The following VPS53 variants were observed in gnomAD, a reference collection of about 807,000 sequenced individuals.
VPS53 encodes the protein VPS53 subunit of GARP complex, also known as vacuolar protein sorting-associated protein 53 homolog.
A neutral mutation model predicts 107.0 loss-of-function variants in VPS53; 70 were observed. That is an observed-to-expected ratio of 0.65 (90% CI 0.54 to 0.80). VPS53 has a LOEUF of 0.80. VPS53 is among the 30% of genes least tolerant of loss of function. The pLI, the probability that VPS53 is intolerant of heterozygous loss-of-function variation, is 0.00. For missense variants in VPS53, 917 were observed against 1,049.4 expected (o/e 0.87, Z 1.74); for synonymous variants, 409 against 393.3 (o/e 1.04, Z -0.47).
intron 7 of VPS53, among the ~76,000 whole-genome samples, chr17:635,876 G>C (rs1397150139): frequency 2.0e-5 from 3 of 152,174 alleles, no homozygotes; most frequent in Non-Finnish European, 4.4e-5. Flanking sequence ...TCTTGGCAAT[G>C]CGGGACCTTT....
chr17:639,529 T>C (rs959868452), intron 7 of VPS53, among the ~76,000 whole-genome samples: 8 of 152,214 alleles, frequency 5.3e-5, no homozygotes, highest in African/African-American at 1.7e-4. Flanking sequence ...TGCTGTTTTT[T>C]CCCCATCTTT....
chr17:697,700 T>C lies in VPS53; in HGVS notation c.219-216A>G, dbSNP rs76783890. Among the ~76,000 whole-genome samples, 778 of 152,308 alleles carry C rather than the reference T, an allele frequency of 5.1e-3. 9 individuals carry two copies. The highest frequency in any genetic ancestry group is 0.017 in the African/African-American group (718 of 41,590). On this transcript the variant is annotated intron_variant, in intron 3 of 21. Transcript: ENST00000437048. The stretch of plus-strand genomic sequence containing the variant: ...TGCAGGCTGATGCATCGCCTTGTTG[T>C]TAAAAATGCCTATTTTCACTTAATA...
At chr17:710,401 T>TG in intron 2 of VPS53, 132 bp downstream of exon 2, 1 of 676,848 alleles carries the variant, frequency 1.5e-6, no homozygotes. Context: ...CTGGTGATGA[T>TG]GGAGTTTGAT....
At chr17:669,361 C>T (rs979357674) in intron 4 of VPS53, among the ~76,000 whole-genome samples, 1 of 151,892 alleles carries the variant, frequency 6.6e-6, no homozygotes, top group Non-Finnish European at 1.5e-5. Context: ...GCAAGGCTGA[C>T]GGTGGATTAC....
intron 5 of VPS53, among the ~76,000 whole-genome samples, chr17:661,224 GA>G (rs200423950): frequency 0.016 from 2,361 of 148,360 alleles, 24 homozygotes; most frequent in Middle Eastern, 0.031. Context: ...TCAGAAAGGA[GA>G]AAAAAAAAAG....
Position 551,499 on chromosome 17 carries a change from C to G in VPS53, c.1866+373G>C, listed in dbSNP as rs999566538. ...AGGAGGACTGATGAGCCCAGAGGGT[C>G]AAGGCTGCAGGGAGTCATGGTGGCA... On this transcript the variant is annotated intron_variant, in intron 17 of 21. Transcript: ENST00000437048. 3.3e-5 allele frequency: 5 copies of G among 153,606 alleles called. No individual in the cohort carries two copies. In the South Asian group the frequency reaches 7.9e-4, roughly 24 times the overall value. 9.5% of individuals were successfully genotyped at this position (153,606 alleles called of 1,614,324 possible).
At position 690,973 on chromosome 17, in the gene VPS53, G is replaced by A. The variant is rs761940087; in HGVS notation, c.285+6445C>T. On this transcript the variant is annotated intron_variant, in intron 4 of 21. Coordinates refer to ENST00000437048, the MANE Select transcript of VPS53 (RefSeq NM_001128159.3). ...GACACTCTGGACCCCCAGTCCCTAA[G>A]TTAATGAGCTCGGCCCAGAACAAAG... 6.6e-5 allele frequency among the ~76,000 whole-genome samples: 10 copies of A among 152,176 alleles called. No individual in the cohort carries two copies. In the East Asian group the frequency reaches 1.5e-3, roughly 23 times the overall value.
At chr17:647,640 G>C (rs935531117) in intron 7 of VPS53, among the ~76,000 whole-genome samples, 5 of 152,114 alleles carry the variant, frequency 3.3e-5, no homozygotes, top group African/African-American at 1.2e-4. Flanking sequence ...AGTCCAGTCT[G>C]ATAAGGTGAT....
At chr17:535,946 C>G (rs1343982154) in intron 18 of VPS53, among the ~76,000 whole-genome samples, 3 of 152,118 alleles carry the variant, frequency 2.0e-5, no homozygotes, top group Admixed American at 2.0e-4. Context: ...CAGCTGGGGC[C>G]TGGATGGGAA....
chr17:533,121 GGA>G (rs1555547821), intron 18 of VPS53: 1 of 765,258 alleles, frequency 1.3e-6, no homozygotes, highest in Non-Finnish European at 2.0e-6. Context: ...CGGGAAAACC[GGA>G]TCCCATCCTA....
At chr17:546,720 A>G (rs1163069492) in intron 17 of VPS53, among the ~76,000 whole-genome samples, 5 of 152,170 alleles carry the variant, frequency 3.3e-5, no homozygotes, top group Non-Finnish European at 7.3e-5. Flanking sequence ...AGTGTGGGAG[A>G]AGATGTGGAG....
chr17:629,850 GTCACTA>G (rs1969878147), intron 8 of VPS53, among the ~76,000 whole-genome samples: 1 of 142,802 alleles, frequency 7.0e-6, no homozygotes, highest in African/African-American at 2.6e-5. Flanking sequence ...CACACACGAA[GTCACTA>G]TGCCAGAGAA....
chr17:583,083 C>T (rs1221043848), intron 13 of VPS53, among the ~76,000 whole-genome samples: 2 of 150,320 alleles, frequency 1.3e-5, no homozygotes, highest in Non-Finnish European at 3.0e-5. Context: ...GAACTTCCCT[C>T]ACAACCTAAT....
At chr17:645,755 G>A (rs972955783) in intron 7 of VPS53, among the ~76,000 whole-genome samples, 1 of 150,726 alleles carries the variant, frequency 6.6e-6, no homozygotes, top group Non-Finnish European at 1.5e-5. Flanking sequence ...CCTTTATACC[G>A]ACTGGAGATA....
chr17:567,886 C>T lies in VPS53; in HGVS notation c.1314-5141G>A, dbSNP rs1913678269. ...CCTGGACAACAGAGCAAGACATTGT[C>T]GAAGGGGAGGGGAGGGGAGGGGAGG... On this transcript the variant is annotated intron_variant, in intron 13 of 21. Coordinates refer to ENST00000437048, the MANE Select transcript of VPS53 (RefSeq NM_001128159.3). 3.1e-5 allele frequency among the ~76,000 whole-genome samples: 4 copies of T among 128,414 alleles called. No homozygotes were observed. The South Asian group carries it at 7.9e-4, about 25-fold the overall frequency. The allele number at this position is 128,414 out of a possible 152,430, so 84.2% of individuals were successfully genotyped here.
At position 667,659 on chromosome 17, in the gene VPS53, G is replaced by C. The variant is rs905645819; in HGVS notation, c.286-5764C>G. Reference sequence around the variant, plus strand: ...ACTGTTTTAAACATAATGTTCTGGGGGGGGGGGCAATGGGTTAATTACAGA... The same window carrying C: ...ACTGTTTTAAACATAATGTTCTGGGCGGGGGGGCAATGGGTTAATTACAGA... On this transcript the variant is annotated intron_variant, in intron 4 of 21. Coordinates refer to ENST00000437048, the MANE Select transcript of VPS53 (RefSeq NM_001128159.3). 1.6e-3 allele frequency among the ~76,000 whole-genome samples: 196 copies of C among 125,832 alleles called. 3 individuals carry two copies. Among genetic ancestry groups the C allele is most frequent in the African/African-American group, 5.5e-3 (181 of 33,096 alleles). 82.6% of individuals were successfully genotyped at this position (125,832 alleles called of 152,430 possible).
intron 7 of VPS53, among the ~76,000 whole-genome samples, chr17:635,063 T>C (rs1347704621): frequency 1.3e-5 from 2 of 152,230 alleles, no homozygotes; most frequent in African/African-American, 4.8e-5. Flanking sequence ...ATCTGTTGTT[T>C]CCTGACTTTT....
At chr17:671,784 G>A (rs1971958613) in intron 4 of VPS53, among the ~76,000 whole-genome samples, 1 of 151,614 alleles carries the variant, frequency 6.6e-6, no homozygotes, top group Admixed American at 6.6e-5. Flanking sequence ...CGCCTCCTGG[G>A]TTCAAGTGAT....
Position 515,717 on chromosome 17 carries a change from T to C in VPS53, c.*3411A>G, listed in dbSNP as rs1160131210. On this transcript the variant is annotated 3_prime_UTR_variant, in exon 22 of 22. Transcript: ENST00000437048. ...TGATGTTAATAAATAAAGCTTCTGC[T>C]TGGGGGTTGGTCATCAAAACAAGAA... The C allele has an allele frequency of 6.6e-6, 1 of 152,060 alleles. No homozygotes were observed. Among genetic ancestry groups the C allele is most frequent in the Non-Finnish European group, 1.5e-5 (1 of 68,024 alleles). 9.4% of individuals were successfully genotyped at this position (152,060 alleles called of 1,614,324 possible).
Sources: allele counts gnomAD v4.1 joint callset (sites outside exome capture counted in the v4.1 genomes callset), GRCh38; gene constraint gnomAD v4.1.1; transcripts MANE v1.5; gene names NCBI Gene and HGNC (gene_info 2026-07-23, HGNC 2026-07-21).